VAC14: variants seen among roughly 807,000 people sequenced by gnomAD.
VAC14 encodes protein VAC14 homolog.
VAC14 carries 47 observed loss-of-function variants against 85.3 expected under a neutral mutation model. That is an observed-to-expected ratio of 0.55 (90% CI 0.44 to 0.70). The LOEUF is 0.70. Ranked by LOEUF, VAC14 falls within the 30% of genes least tolerant of loss-of-function variation. The probability of loss-of-function intolerance (pLI) is 0.00; values close to 1 mark genes in which losing one functional copy is unlikely to be tolerated. For missense variants in VAC14, 861 were observed against 1,004.3 expected, an observed-to-expected ratio of 0.86 and a Z score of 1.93; for synonymous variants, 447 against 430.5, an observed-to-expected ratio of 1.04 and a Z score of -0.47.
chr16:70,697,666 C>T (rs1024537055), intron 15 of VAC14, among the ~76,000 whole-genome samples: 2 of 152,242 alleles, frequency 1.3e-5, no homozygotes, highest in African/African-American at 2.4e-5. Flanking sequence ...ATGCCATCTC[C>T]TCCCCACCTC....
Position 70,762,998 on chromosome 16 carries a change from G to A in VAC14, c.1188C>T (p.His396=), listed in dbSNP as rs749476673. The change falls in exon 11 of 19, where the codon CAC becomes CAT. Residue 396 remains histidine (H), a synonymous_variant. Transcript: ENST00000261776. This position sits in a 1 kb window ranked among gnomAD's most constrained non-coding sequence, Gnocchi z 4.1. ...ASTERAPVTL[H]LDGIVQVLNC... ...TTAGGACCTGCACGATCCCGTCGAG[G>A]TGAAGGGTCACTGGGGCTCTTTCAG... 14 of 1,614,128 alleles carry A rather than the reference G, an allele frequency of 8.7e-6. No homozygotes were observed. In the African/African-American group the frequency reaches 1.3e-4, roughly 15 times the overall value.
At position 70,690,643 on chromosome 16, in the gene VAC14, C is replaced by A. The variant is rs899774059; in HGVS notation, c.2186+2178G>T. 3 of 985,422 alleles carry A rather than the reference C, an allele frequency of 3.0e-6. No individual in the cohort carries two copies. The African/African-American group carries it at 5.2e-5, about 17-fold the overall frequency. The allele number at this position is 985,422 out of a possible 1,614,324, so 61.0% of individuals were successfully genotyped here. On this transcript the variant is annotated intron_variant, in intron 18 of 18. Transcript: ENST00000261776. ...CGAGGAGTGTACAAAACTCTCCCAGCTGTTCCCAGCTCCAAGGCCTGCCCC... is the reference window on the plus strand; with the variant it reads ...CGAGGAGTGTACAAAACTCTCCCAGATGTTCCCAGCTCCAAGGCCTGCCCC...
intron 4 of VAC14, 43 bp downstream of exon 4, chr16:70,784,732 AG>A: frequency 6.4e-7 from 1 of 1,555,690 alleles, no homozygotes; most frequent in Non-Finnish European, 8.9e-7. Flanking sequence ...GACAGACGGG[AG>A]AAACAGATTG....
At chr16:70,691,991 C>A in intron 18 of VAC14, 1 of 985,114 alleles carries the variant, frequency 1.0e-6, no homozygotes. Context: ...CTGATGCAAG[C>A]TGGGCGCGCT....
In VAC14 at chr16:70,763,108, GCACATCCTGA is replaced by G. The variant is rs2032539729; in HGVS notation, c.1161-93_1161-84del. The G allele has an allele frequency of 1.8e-5, 28 of 1,583,216 alleles. No individual in the cohort carries two copies. In the East Asian group the frequency reaches 6.3e-4, roughly 36 times the overall value. ...GGAGTCATGGCACCACCCTGGGCCT[GCACATCCTGA>G]GTCACACACTGCTAACCACCGTCTA... On this transcript the variant is annotated intron_variant, in intron 10 of 18. Transcript: ENST00000261776.
chr16:70,771,241 T>TCCC (rs2033196580), intron 10 of VAC14: 1 of 152,232 alleles, frequency 6.6e-6, no homozygotes, highest in East Asian at 1.9e-4. Context: ...GAGAATTATT[T>TCCC]TGCTGCCTGG....
chr16:70,720,692 T>C (rs943897146), intron 14 of VAC14, among the ~76,000 whole-genome samples: 2 of 152,092 alleles, frequency 1.3e-5, no homozygotes, highest in Non-Finnish European at 2.9e-5. Context: ...ACGAGGTGGA[T>C]GGTGAAACGG....
chr16:70,764,110 A>T (rs2032623395), intron 10 of VAC14, among the ~76,000 whole-genome samples: 1 of 152,212 alleles, frequency 6.6e-6, no homozygotes, highest in South Asian at 2.1e-4. Flanking sequence ...TCAGGAACTG[A>T]TGGCTGTGCT....
At chr16:70,766,451 T>C (rs2143112532) in intron 10 of VAC14, 1 of 456,622 alleles carries the variant, frequency 2.2e-6, no homozygotes, top group Middle Eastern at 3.3e-4. Context: ...AGCAAACACC[T>C]GAACACAGCG....
intron 18 of VAC14, chr16:70,689,500 C>T (rs1010351964): frequency 5.1e-6 from 5 of 985,318 alleles, no homozygotes; most frequent in Admixed American, 6.1e-5. Context: ...TGGGCAGGAC[C>T]AGGGCAGGGG....
chr16:70,707,836 C>T (rs1174337121), intron 14 of VAC14, among the ~76,000 whole-genome samples: 1 of 150,704 alleles, frequency 6.6e-6, no homozygotes, highest in African/African-American at 2.4e-5. Flanking sequence ...CTCGCTCTGT[C>T]ATCCAGTGCA....
chr16:70,717,856 G>A (rs2054200835), intron 14 of VAC14, among the ~76,000 whole-genome samples: 1 of 152,186 alleles, frequency 6.6e-6, no homozygotes, highest in African/African-American at 2.4e-5. Context: ...GTTTCACCAT[G>A]TTGCTCAGGC....
At chr16:70,710,255 G>A in intron 14 of VAC14, among the ~76,000 whole-genome samples, 1 of 152,220 alleles carries the variant, frequency 6.6e-6, no homozygotes, top group Non-Finnish European at 1.5e-5. Flanking sequence ...AAGGGACACA[G>A]ACCTCCCTTC....
At chr16:70,717,820 TTC>T (rs1302056511) in intron 14 of VAC14, among the ~76,000 whole-genome samples, 1 of 152,134 alleles carries the variant, frequency 6.6e-6, no homozygotes, top group Non-Finnish European at 1.5e-5. Context: ...TTAATTATAT[TTC>T]TCTTTTTTTG....
chr16:70,696,443 G>T (rs899168449), intron 16 of VAC14, among the ~76,000 whole-genome samples: 5 of 152,206 alleles, frequency 3.3e-5, no homozygotes, highest in Admixed American at 3.3e-4. Flanking sequence ...AACCCAGGAG[G>T]CGGAGGTTGC....
intron 1 of VAC14, among the ~76,000 whole-genome samples, chr16:70,797,770 G>A (rs1418077526): frequency 1.3e-5 from 2 of 152,122 alleles, no homozygotes; most frequent in Non-Finnish European, 2.9e-5. Flanking sequence ...CTGTTCTTGT[G>A]ATAGTGAGTT....
intron 14 of VAC14, chr16:70,699,236 C>T (rs1461129754): frequency 5.0e-6 from 1 of 200,106 alleles, no homozygotes; most frequent in Non-Finnish European, 1.0e-5. Context: ...CTTCATCCAG[C>T]CAATTCTCCA....
At chr16:70,766,156 G>GAAAAAAAA (rs60494478) in intron 10 of VAC14, among the ~76,000 whole-genome samples, 1 of 94,554 alleles carries the variant, frequency 1.1e-5, no homozygotes. Context: ...TGTCCCAAAA[G>GAAAAAAAA]AAAAAAAAAA....
chr16:70,724,410 T>C (rs1230908663), intron 14 of VAC14, among the ~76,000 whole-genome samples: 2 of 152,200 alleles, frequency 1.3e-5, no homozygotes, highest in Non-Finnish European at 2.9e-5. Context: ...CATTTTGCCA[T>C]GGACTAGGGA....
Sources: allele counts gnomAD v4.1 joint callset (sites outside exome capture counted in the v4.1 genomes callset), GRCh38; gene constraint gnomAD v4.1.1; non-coding constraint Gnocchi (gnomAD v3.1); transcripts MANE v1.5; gene names NCBI Gene and HGNC (gene_info 2026-07-23, HGNC 2026-07-21).